ZNF705G: variants seen among roughly 807,000 people sequenced by gnomAD.
ZNF705G encodes putative zinc finger protein 705G.
A neutral mutation model predicts 19.6 loss-of-function variants in ZNF705G; 23 were observed. The observed-to-expected ratio is 1.17, with a 90% CI of 0.84 to 1.66. The LOEUF (loss-of-function observed/expected upper bound fraction) is 1.66. Among genes scored for constraint, ZNF705G ranks in the 40% most tolerant of loss-of-function variants. The pLI, the probability that ZNF705G is intolerant of heterozygous loss-of-function variation, is 0.00. For synonymous variants in ZNF705G, 146 were observed against 117.7 expected, an observed-to-expected ratio of 1.24 and a Z score of -1.56; for missense variants, 457 against 354.4, an observed-to-expected ratio of 1.29 and a Z score of -2.32.
chr8:7,382,311 G>T (rs1807534527), intron 1 of ZNF705G, among the ~76,000 whole-genome samples: 1 of 147,960 alleles, frequency 6.8e-6, no homozygotes, highest in Non-Finnish European at 1.5e-5. Flanking sequence ...CATGATTACA[G>T]ATCCAAGTCT....
intron 5 of ZNF705G, among the ~76,000 whole-genome samples, 156 bp downstream of exon 5, chr8:7,360,081 A>G (rs1443155468): frequency 6.7e-6 from 1 of 149,578 alleles, no homozygotes; most frequent in Non-Finnish European, 1.5e-5. Flanking sequence ...ACACATGAAC[A>G]AAATGATAAT....
At chr8:7,362,644 G>A (rs1487737227) in intron 3 of ZNF705G, among the ~76,000 whole-genome samples, 1 of 149,382 alleles carries the variant, frequency 6.7e-6, no homozygotes, top group Non-Finnish European at 1.5e-5. Context: ...TTTGTAAATA[G>A]CCTTAATAGG....
Position 7,375,133 on chromosome 8 carries a change from C to A in ZNF705G, c.-72+6319G>T, listed in dbSNP as rs1412178565. On this transcript the variant is annotated intron_variant, in intron 2 of 6. Transcript: ENST00000400156. ...GTTTGGGGTATGAATAACTCTGTCA[C>A]GCAGGTAGGGTGTGCCCAAAGAGTA... Among the ~76,000 whole-genome samples the A allele has an allele frequency of 2.1e-5, 2 of 93,802 alleles. 1 individual carries two copies. The highest frequency in any genetic ancestry group is 4.2e-5 in the Non-Finnish European group (2 of 48,004). The allele number at this position is 93,802 out of a possible 152,430, so 61.5% of individuals were successfully genotyped here.
chr8:7,369,504 AGGCACTCAACACT>A (rs1300453647), intron 2 of ZNF705G, among the ~76,000 whole-genome samples: 1 of 149,572 alleles, frequency 6.7e-6, no homozygotes, highest in Admixed American at 6.6e-5. Flanking sequence ...GAAAAGCTGC[AGGCACTCAACACT>A]GGCCCTTGAC....
chr8:7,363,541 T>G lies in ZNF705G; in HGVS notation c.-71-524A>C, dbSNP rs527710736. On this transcript the variant is annotated intron_variant, in intron 2 of 6. Coordinates refer to ENST00000400156, the MANE Select transcript of ZNF705G (RefSeq NM_001164457.3). Reference sequence around the variant, plus strand: ...AATCAAGTAAGAATCTGTTTTAGGGTGGAGTGTGGTGGCTCACGCCTGTAA... The same window carrying G: ...AATCAAGTAAGAATCTGTTTTAGGGGGGAGTGTGGTGGCTCACGCCTGTAA... 1.3e-4 allele frequency among the ~76,000 whole-genome samples: 20 copies of G among 149,824 alleles called. No individual in the cohort carries two copies. In the East Asian group the frequency reaches 3.7e-3, roughly 28 times the overall value.
chr8:7,378,952 G>C (rs1168797811), intron 2 of ZNF705G, among the ~76,000 whole-genome samples: 1 of 148,584 alleles, frequency 6.7e-6, no homozygotes. Context: ...ACATTATTCT[G>C]CCTACAACAG....
chr8:7,359,495 T>A (rs1363172928), intron 6 of ZNF705G, 124 bp downstream of exon 6: 16 of 1,507,460 alleles, frequency 1.1e-5, no homozygotes, highest in Admixed American at 4.3e-5. Flanking sequence ...CCAATTTTTT[T>A]TTTTTGCTTA....
At chr8:7,362,754 G>A (rs1806662896) in intron 3 of ZNF705G, among the ~76,000 whole-genome samples, 181 bp downstream of exon 3, 1 of 149,212 alleles carries the variant, frequency 6.7e-6, no homozygotes, top group Non-Finnish European at 1.5e-5. Flanking sequence ...CTTAATGGGG[G>A]GCCAGATACC....
At chr8:7,362,067 C>T (rs1178447602) in intron 3 of ZNF705G, among the ~76,000 whole-genome samples, 14 of 149,486 alleles carry the variant, frequency 9.4e-5, no homozygotes, top group African/African-American at 2.6e-4. Context: ...CAGTTATCAT[C>T]GTTTCTCTTT....
intron 2 of ZNF705G, among the ~76,000 whole-genome samples, chr8:7,379,498 C>G (rs867955661): frequency 2.0e-5 from 3 of 146,930 alleles, no homozygotes; most frequent in Non-Finnish European, 2.9e-5. Flanking sequence ...AAAGAAAGAC[C>G]AAGACAGCAA....
chr8:7,380,879 T>C (rs1186881292), intron 2 of ZNF705G, among the ~76,000 whole-genome samples: 1 of 141,854 alleles, frequency 7.0e-6, no homozygotes, highest in Non-Finnish European at 1.5e-5. Context: ...TAGCTGGGCA[T>C]GGAGGCGCAT....
Position 7,369,926 on chromosome 8 carries a change from T to A in ZNF705G, c.-71-6909A>T, listed in dbSNP as rs145763100. Among the ~76,000 whole-genome samples the A allele has an allele frequency of 4.4e-4, 66 of 149,228 alleles. 9 individuals carry two copies. The highest frequency in any genetic ancestry group is 1.7e-3 in the African/African-American group (66 of 38,698). ...GTGGGGACAAAGGCCTGAAAAACTA[T>A]CTATTGGGTATTATGTTTTCTATCT... On this transcript the variant is annotated intron_variant, in intron 2 of 6. Coordinates refer to ENST00000400156, the MANE Select transcript of ZNF705G (RefSeq NM_001164457.3).
At chr8:7,381,034 A>C (rs1439413554) in intron 2 of ZNF705G, among the ~76,000 whole-genome samples, 1 of 135,466 alleles carries the variant, frequency 7.4e-6, no homozygotes, top group African/African-American at 3.5e-5. Context: ...ACCAAAAAAA[A>C]AAAAAAAAAA....
At chr8:7,370,916 A>T (rs1223458125) in intron 2 of ZNF705G, among the ~76,000 whole-genome samples, 3 of 122,732 alleles carry the variant, frequency 2.4e-5, no homozygotes, top group Non-Finnish European at 5.0e-5. Flanking sequence ...CTTTGCAGGA[A>T]CATGAATGGA....
At chr8:7,382,163 T>G (rs1384929046) in intron 1 of ZNF705G, among the ~76,000 whole-genome samples, 27 of 150,870 alleles carry the variant, frequency 1.8e-4, no homozygotes, top group Middle Eastern at 3.4e-3. Flanking sequence ...CCACTCAAAG[T>G]AAATCACTGC....
chr8:7,378,837 A>T (rs1439636838), intron 2 of ZNF705G, among the ~76,000 whole-genome samples: 1 of 147,068 alleles, frequency 6.8e-6, no homozygotes, highest in Admixed American at 6.6e-5. Flanking sequence ...GGTGATTAAC[A>T]GCCTTAATTT....
intron 1 of ZNF705G, among the ~76,000 whole-genome samples, chr8:7,384,405 A>C (rs1047354447): frequency 6.9e-6 from 1 of 145,668 alleles, no homozygotes; most frequent in African/African-American, 2.8e-5. Context: ...AAAGTGGGCA[A>C]AGGATGTGAA....
Position 7,368,424 on chromosome 8 carries a change from C to A in ZNF705G, c.-71-5407G>T, listed in dbSNP as rs1018748182. ...TCTGGAGACTCTATATTCTAAAATT[C>A]TTTGGAGGTAAACTGGACTTGAAAA... is the stretch of plus-strand genomic sequence containing the variant. On this transcript the variant is annotated intron_variant, in intron 2 of 6. Coordinates refer to ENST00000400156, the MANE Select transcript of ZNF705G (RefSeq NM_001164457.3). Among the ~76,000 whole-genome samples the A allele has an allele frequency of 3.1e-4, 47 of 149,462 alleles. 5 individuals carry two copies. The highest frequency in any genetic ancestry group is 1.2e-3 in the African/African-American group (45 of 38,928).
intron 2 of ZNF705G, among the ~76,000 whole-genome samples, chr8:7,366,972 A>G (rs1806885732): frequency 6.7e-6 from 1 of 149,692 alleles, no homozygotes; most frequent in Admixed American, 6.6e-5. Flanking sequence ...TTATTTAATT[A>G]TAATTTATTT....
Sources: allele counts gnomAD v4.1 joint callset (sites outside exome capture counted in the v4.1 genomes callset), GRCh38; gene constraint gnomAD v4.1.1; transcripts MANE v1.5; gene names NCBI Gene and HGNC (gene_info 2026-07-23, HGNC 2026-07-21).